TENM3: variants seen among roughly 807,000 people sequenced by gnomAD.
The protein encoded by TENM3 is teneurin-3.
Under a neutral mutation model 255.1 loss-of-function variants are expected in TENM3, and 63 were observed. The observed-to-expected ratio is 0.25, with a 90% CI of 0.20 to 0.30. The LOEUF (loss-of-function observed/expected upper bound fraction) is 0.30. TENM3 is among the 10% of genes least tolerant of loss of function. The pLI, the probability that TENM3 is intolerant of heterozygous loss-of-function variation, is 1.00. For missense variants in TENM3, 2,929 were observed against 3,461.1 expected, an observed-to-expected ratio of 0.85 and a Z score of 3.86; for synonymous variants, 1,306 against 1,322.3, an observed-to-expected ratio of 0.99 and a Z score of 0.27.
intron 3 of TENM3, among the ~76,000 whole-genome samples, chr4:182,388,757 G>A (rs1768190955): frequency 6.6e-6 from 1 of 152,160 alleles, no homozygotes; most frequent in Non-Finnish European, 1.5e-5. Context: ...AAAGGAAATT[G>A]AATGTGAAAC....
Position 182,549,474 on chromosome 4 carries a change from A to AGC in TENM3, c.512-51447_512-51446dup, listed in dbSNP as rs1347044397. ...TCTGATCGGATTTCAGAACTCTTTA[A>AGC]GCGCTTAGCTTTTGGTGTTTTTGGG... On this transcript the variant is annotated intron_variant, in intron 3 of 27. Transcript: ENST00000511685. Among the ~76,000 whole-genome samples the AGC allele has an allele frequency of 3.9e-5, 6 of 152,134 alleles. No homozygotes were observed. In the East Asian group the frequency reaches 1.2e-3, roughly 29 times the overall value.
At chr4:181,966,796 C>G in the TENM3 span, among the ~76,000 whole-genome samples, 1 of 152,220 alleles carries the variant, frequency 6.6e-6, no homozygotes, top group Non-Finnish European at 1.5e-5. Context: ...CCCACTTCTA[C>G]TGTGCCGCTA....
At chr4:181,811,236 C>T in the TENM3 span, among the ~76,000 whole-genome samples, 1 of 152,104 alleles carries the variant, frequency 6.6e-6, no homozygotes, top group Non-Finnish European at 1.5e-5. Flanking sequence ...AATTGAATAC[C>T]TCTCTTCCCA....
chr4:181,797,760 G>C, the TENM3 span, among the ~76,000 whole-genome samples: 1 of 152,174 alleles, frequency 6.6e-6, no homozygotes, highest in Non-Finnish European at 1.5e-5. Flanking sequence ...AATACGTTCT[G>C]TTATTGCCAT....
chr4:181,893,487 G>GCCC, the TENM3 span, among the ~76,000 whole-genome samples: 2,917 of 74,528 alleles, frequency 0.039, 15 homozygotes, highest in Non-Finnish European at 0.058. Flanking sequence ...ACTTTCCCCT[G>GCCC]CCCACCCCCC....
chr4:181,729,559 A>C, the TENM3 span, among the ~76,000 whole-genome samples: 3 of 152,228 alleles, frequency 2.0e-5, no homozygotes, highest in Admixed American at 6.5e-5. Flanking sequence ...CTCTATCATT[A>C]ACAGATGTAT....
the TENM3 span, among the ~76,000 whole-genome samples, chr4:181,965,621 G>A: frequency 0.023 from 3,451 of 152,218 alleles, 147 homozygotes; most frequent in African/African-American, 0.079. Context: ...CCAACGTTCA[G>A]TCCATCTGGA....
chr4:182,701,901 G>T (rs940640968), intron 12 of TENM3, among the ~76,000 whole-genome samples: 1 of 152,166 alleles, frequency 6.6e-6, no homozygotes, highest in African/African-American at 2.4e-5. Context: ...TGTCTGCTCA[G>T]TATATTTCAT....
chr4:182,229,793 TA>T (rs1756442469), intron 1 of TENM3, among the ~76,000 whole-genome samples: 1 of 152,140 alleles, frequency 6.6e-6, no homozygotes, highest in African/African-American at 2.4e-5. Context: ...ACATAAATCA[TA>T]ATAAGAGTAA....
intron 1 of TENM3, among the ~76,000 whole-genome samples, chr4:182,232,882 GC>G (rs1035386747): frequency 1.4e-4 from 22 of 152,224 alleles, no homozygotes; most frequent in African/African-American, 5.3e-4. Flanking sequence ...CACATTCCTG[GC>G]CCGATGGAGC....
At chr4:182,699,542 A>G (rs1413801958) in intron 12 of TENM3, among the ~76,000 whole-genome samples, 1 of 152,214 alleles carries the variant, frequency 6.6e-6, no homozygotes, top group African/African-American at 2.4e-5. Context: ...TTTTGAATCC[A>G]TTAATTTTAA....
intron 1 of TENM3, among the ~76,000 whole-genome samples, chr4:182,163,587 G>A (rs886070463): frequency 3.3e-5 from 5 of 152,164 alleles, no homozygotes; most frequent in African/African-American, 9.7e-5. Flanking sequence ...CATCTATTTA[G>A]CATTTACCTC....
chr4:182,171,350 C>G (rs1752094755), intron 1 of TENM3, among the ~76,000 whole-genome samples: 1 of 152,162 alleles, frequency 6.6e-6, no homozygotes, highest in African/African-American at 2.4e-5. Context: ...CCTACTTCTC[C>G]TTTCAATCCC....
chr4:182,609,865 C>A (rs555319611), intron 4 of TENM3, among the ~76,000 whole-genome samples: 1 of 152,152 alleles, frequency 6.6e-6, no homozygotes, highest in Non-Finnish European at 1.5e-5. Flanking sequence ...GCTTCAGTTT[C>A]TTTGCTTTTT....
chr4:182,564,856 A>G (rs1261882969), intron 3 of TENM3, among the ~76,000 whole-genome samples: 1 of 152,028 alleles, frequency 6.6e-6, no homozygotes, highest in Non-Finnish European at 1.5e-5. Flanking sequence ...TGGCAGTGTA[A>G]TTTTTAAATA....
the TENM3 span, among the ~76,000 whole-genome samples, chr4:181,844,877 A>G: frequency 6.6e-6 from 1 of 152,196 alleles, no homozygotes; most frequent in Non-Finnish European, 1.5e-5. Flanking sequence ...GCCTGCTGCT[A>G]ACAGTTGTAC....
At chr4:182,621,110 G>A (rs1172106781) in intron 4 of TENM3, among the ~76,000 whole-genome samples, 1 of 151,960 alleles carries the variant, frequency 6.6e-6, no homozygotes, top group African/African-American at 2.4e-5. Flanking sequence ...GAACTCAGGA[G>A]GCAGAGCTTG....
intron 3 of TENM3, among the ~76,000 whole-genome samples, chr4:182,472,566 T>G (rs1733233177): frequency 6.6e-6 from 1 of 152,208 alleles, no homozygotes; most frequent in Admixed American, 6.5e-5. Context: ...CTTCAAACTT[T>G]TTGCTTACAT....
intron 1 of TENM3, among the ~76,000 whole-genome samples, chr4:182,322,817 C>T: frequency 6.6e-6 from 1 of 152,112 alleles, no homozygotes; most frequent in East Asian, 1.9e-4. Flanking sequence ...ACTACTATCT[C>T]AACAGCGGTC....
Sources: gnomAD v4.1 joint callset for allele counts (sites outside exome capture counted in the v4.1 genomes callset) on GRCh38, gnomAD v4.1.1 for gene constraint, MANE v1.5 for transcripts, NCBI Gene and HGNC (gene_info 2026-07-23, HGNC 2026-07-21) for gene names.